NYAP2: variants seen among roughly 807,000 people sequenced by gnomAD.
The protein encoded by NYAP2 is neuronal tyrosine-phosphorylated phosphoinositide-3-kinase adaptor 2.
A neutral mutation model predicts 50.4 loss-of-function variants in NYAP2; 23 were observed. The ratio of observed to expected loss-of-function variants is 0.46; its 90% CI spans 0.33 to 0.65. The LOEUF is 0.65. Among genes scored for constraint, NYAP2 ranks in the 30% least tolerant of loss-of-function variants. NYAP2 has a pLI of 0.02. For missense variants in NYAP2, 885 were observed against 861.0 expected (o/e 1.03, Z -0.35); for synonymous variants, 394 against 365.2 (o/e 1.08, Z -0.90).
intron 4 of NYAP2, among the ~76,000 whole-genome samples, chr2:225,569,895 C>T (rs1055966886): frequency 2.6e-5 from 4 of 152,094 alleles, no homozygotes; most frequent in Non-Finnish European, 5.9e-5. Context: ...CAGAATAGTT[C>T]CTGTCCCTGA....
At chr2:225,528,135 T>C (rs952832849) in intron 4 of NYAP2, among the ~76,000 whole-genome samples, 3 of 152,202 alleles carry the variant, frequency 2.0e-5, no homozygotes, top group Admixed American at 2.0e-4. Flanking sequence ...GCAGGAATCT[T>C]GTGTCCAACC....
intron 4 of NYAP2, among the ~76,000 whole-genome samples, chr2:225,517,264 AGT>A: frequency 6.6e-6 from 1 of 152,236 alleles, no homozygotes. Flanking sequence ...TTATTGCTTC[AGT>A]GTGGTTCCTG....
chr2:225,669,873 G>A, the NYAP2 span, among the ~76,000 whole-genome samples: 3,584 of 152,162 alleles, frequency 0.024, 156 homozygotes, highest in African/African-American at 0.081. Flanking sequence ...AAATAGATAC[G>A]ATCATTCCAA....
intron 4 of NYAP2, among the ~76,000 whole-genome samples, chr2:225,531,202 T>G (rs1468365000): frequency 6.6e-6 from 1 of 152,192 alleles, no homozygotes; most frequent in Non-Finnish European, 1.5e-5. Flanking sequence ...CTGCCAACCA[T>G]GCCTCTTACA....
At chr2:225,457,572 A>T (rs1198835598) in intron 3 of NYAP2, among the ~76,000 whole-genome samples, 1 of 152,240 alleles carries the variant, frequency 6.6e-6, no homozygotes, top group South Asian at 2.1e-4. Flanking sequence ...CAAGGAACAG[A>T]GTAACATCTT....
At chr2:225,551,933 CT>C (rs1691685811) in intron 4 of NYAP2, among the ~76,000 whole-genome samples, 1 of 152,202 alleles carries the variant, frequency 6.6e-6, no homozygotes, top group Non-Finnish European at 1.5e-5. Context: ...CTGCCTCAGC[CT>C]CCCAAATAGC....
At chr2:225,490,872 G>A (rs1690392167) in intron 3 of NYAP2, among the ~76,000 whole-genome samples, 1 of 152,210 alleles carries the variant, frequency 6.6e-6, no homozygotes, top group African/African-American at 2.4e-5. Context: ...CACAACTCAT[G>A]ACTGTTAAAA....
At position 225,445,312 on chromosome 2, in the gene NYAP2, T is replaced by G. The variant is rs549659084; in HGVS notation, c.221+36211T>G. 3.3e-5 allele frequency among the ~76,000 whole-genome samples: 5 copies of G among 152,258 alleles called. No individual in the cohort carries two copies. In the East Asian group the frequency reaches 9.6e-4, roughly 29 times the overall value. On this transcript the variant is annotated intron_variant, in intron 3 of 6. Coordinates refer to ENST00000636099, the Ensembl canonical transcript of NYAP2. ...GTACTTTATGTACTTTTCCTAAAGT[T>G]TTTTAGGAAATTATGCTAAAGTACA...
intron 4 of NYAP2, among the ~76,000 whole-genome samples, chr2:225,538,293 C>G (rs1691386532): frequency 6.6e-6 from 1 of 152,198 alleles, no homozygotes; most frequent in Non-Finnish European, 1.5e-5. Context: ...ACTGTCCTAG[C>G]AGAGGTTCTC....
rs778402285 is a variant in NYAP2, at chr2:225,582,871, C to T, written c.1454C>T (p.Ala485Val). 6.2e-7 allele frequency: 1 copy of T among 1,613,626 alleles called. No homozygotes were observed. The highest frequency in any genetic ancestry group is 1.3e-5 in the African/African-American group (1 of 74,944). Residue 485 changes from alanine to valine, a missense_variant, in exon 5 of 7, where the codon GCC (alanine) becomes GTC (valine). Transcript: ENST00000636099. The surrounding 1 kb of genome is among the most constrained non-coding windows in gnomAD (Gnocchi z 7.0). ...CCCAGACCCGTGTCGCAAGATGGGG[C>T]CAAGATGGTCAACGCCGCGGTGAAC... is the stretch of plus-strand genomic sequence containing the variant.
At chr2:225,411,529 A>G (rs1695038754) in intron 3 of NYAP2, among the ~76,000 whole-genome samples, 1 of 152,082 alleles carries the variant, frequency 6.6e-6, no homozygotes. Context: ...TAGAATTCCA[A>G]GCCGAAGGTA....
chr2:225,454,624 G>A (rs570786693), intron 3 of NYAP2, among the ~76,000 whole-genome samples: 1 of 152,124 alleles, frequency 6.6e-6, no homozygotes, highest in Non-Finnish European at 1.5e-5. Context: ...CTTGAGCTCC[G>A]CCTCCTGTCA....
At chr2:225,683,996 C>A in the NYAP2 span, among the ~76,000 whole-genome samples, 1 of 152,012 alleles carries the variant, frequency 6.6e-6, no homozygotes, top group South Asian at 2.1e-4. Flanking sequence ...AATTTATGGG[C>A]AAAATTACAA....
At chr2:225,696,091 A>G in the NYAP2 span, among the ~76,000 whole-genome samples, 1 of 152,138 alleles carries the variant, frequency 6.6e-6, no homozygotes, top group Non-Finnish European at 1.5e-5. Context: ...TACATACAAC[A>G]ATAACTATTA....
intron 3 of NYAP2, among the ~76,000 whole-genome samples, chr2:225,443,245 T>C (rs1046517278): frequency 6.6e-6 from 1 of 152,238 alleles, no homozygotes; most frequent in Non-Finnish European, 1.5e-5. Flanking sequence ...TTATTACTTT[T>C]CTAGGATTCA....
At chr2:225,541,605 A>G (rs554158812) in intron 4 of NYAP2, among the ~76,000 whole-genome samples, 1 of 152,168 alleles carries the variant, frequency 6.6e-6, no homozygotes, top group African/African-American at 2.4e-5. Context: ...TACTTTAGAT[A>G]TATGAATTTG....
chr2:225,665,573 CT>C, the NYAP2 span, among the ~76,000 whole-genome samples: 28 of 143,722 alleles, frequency 1.9e-4, no homozygotes, highest in South Asian at 2.2e-4. Flanking sequence ...TCCCTAGCTC[CT>C]TTTTTTTTTG....
At chr2:225,538,553 A>C (rs1399953625) in intron 4 of NYAP2, among the ~76,000 whole-genome samples, 1 of 152,132 alleles carries the variant, frequency 6.6e-6, no homozygotes, top group African/African-American at 2.4e-5. Flanking sequence ...TAGGCTGCAC[A>C]CAGCACAGGG....
chr2:225,556,048 T>C (rs1459793721), intron 4 of NYAP2, among the ~76,000 whole-genome samples: 1 of 152,172 alleles, frequency 6.6e-6, no homozygotes, highest in East Asian at 1.9e-4. Context: ...TAAGTCCTAC[T>C]AGTATACATA....
Sources: allele counts gnomAD v4.1 joint callset (sites outside exome capture counted in the v4.1 genomes callset), GRCh38; gene constraint gnomAD v4.1.1; non-coding constraint Gnocchi (gnomAD v3.1); transcripts MANE v1.5; gene names NCBI Gene and HGNC (gene_info 2026-07-23, HGNC 2026-07-21).